The following USP15 variants were observed in gnomAD, a reference collection of about 807,000 sequenced individuals.
USP15 encodes the protein ubiquitin carboxyl-terminal hydrolase 15.
In USP15, 18 loss-of-function variants were observed where a neutral mutation model predicts 127.1. The observed-to-expected ratio is 0.14, with a 90% CI of 0.10 to 0.21. The LOEUF (loss-of-function observed/expected upper bound fraction) is 0.21. Among genes scored for constraint, USP15 ranks in the 10% least tolerant of loss-of-function variants. The pLI is 1.00. For missense variants in USP15, 805 were observed against 1,159.9 expected (o/e 0.69, Z 4.44); for synonymous variants, 364 against 393.7 (o/e 0.92, Z 0.89).
chr12:62,291,658 G>A (rs2063972750), intron 1 of USP15, among the ~76,000 whole-genome samples: 1 of 152,130 alleles, frequency 6.6e-6, no homozygotes, highest in South Asian at 2.1e-4. Flanking sequence ...ATTAATTTTT[G>A]TTTGAACGAG....
chr12:62,363,374 C>T (rs1267058789), intron 8 of USP15, among the ~76,000 whole-genome samples: 2 of 152,264 alleles, frequency 1.3e-5, no homozygotes, highest in Non-Finnish European at 2.9e-5. Context: ...CTATCACTTA[C>T]CTCCATGCTT....
chr12:62,401,079 G>A, intron 20 of USP15, 108 bp from the exon 21 acceptor site: 1 of 569,176 alleles, frequency 1.8e-6, no homozygotes, highest in African/African-American at 2.0e-5. Flanking sequence ...CCTCATAGAT[G>A]ATTATCAGTG....
intron 6 of USP15, among the ~76,000 whole-genome samples, chr12:62,344,071 A>G (rs1015853747): frequency 6.6e-6 from 1 of 152,050 alleles, no homozygotes; most frequent in African/African-American, 2.4e-5. Context: ...TCATCTCTTC[A>G]CATTTCAAAA....
At position 62,412,804 on chromosome 12, in the gene USP15, A is replaced by G. The variant is rs1011498029; in HGVS notation, c.*8429A>G. On this transcript the variant is annotated 3_prime_UTR_variant, in exon 22 of 22. Coordinates refer to ENST00000280377, the MANE Select transcript of USP15 (RefSeq NM_001252078.2). The stretch of plus-strand genomic sequence containing the variant: ...CGCCACTGAGGTTTTGAACTTCTCA[A>G]AGTCATGAAAGTTGTAATTAACTTC... 1 of 152,168 alleles carries G rather than the reference A, an allele frequency of 6.6e-6. No individual in the cohort carries two copies. The highest frequency in any genetic ancestry group is 2.4e-5 in the African/African-American group (1 of 41,442). The allele number at this position is 152,168 out of a possible 1,614,324, so 9.4% of individuals were successfully genotyped here.
At chr12:62,318,449 T>A (rs1294284930) in intron 4 of USP15, among the ~76,000 whole-genome samples, 1 of 152,214 alleles carries the variant, frequency 6.6e-6, no homozygotes, top group African/African-American at 2.4e-5. Context: ...AAGCACTTTC[T>A]CTTCACTTGG....
rs1440071186 is a variant in USP15 at position 62,405,973 on chromosome 12, T to G, written c.*1598T>G. On this transcript the variant is annotated 3_prime_UTR_variant, in exon 22 of 22. Transcript: ENST00000280377. The stretch of plus-strand genomic sequence containing the variant: ...GTATTTTAAAAGCTGCTTTGGGGTT[T>G]TTTTTTTCTTTTTTTTTTTTTTAAT... 2 of 150,390 alleles carry G rather than the reference T, an allele frequency of 1.3e-5. No individual in the cohort carries two copies. Among genetic ancestry groups the G allele is most frequent in the African/African-American group, 2.4e-5 (1 of 41,316 alleles). 9.3% of individuals were successfully genotyped at this position (150,390 alleles called of 1,614,324 possible). A position where few individuals can be genotyped will look rare whatever the true frequency, so the allele number is the denominator to read the frequency against.
intron 2 of USP15, among the ~76,000 whole-genome samples, chr12:62,301,975 T>A (rs934530485): frequency 3.3e-5 from 5 of 152,230 alleles, no homozygotes; most frequent in African/African-American, 1.2e-4. Context: ...GACTGTGATG[T>A]AGGTATGGTT....
chr12:62,385,206 A>G (rs550994697), intron 11 of USP15, among the ~76,000 whole-genome samples: 1 of 152,064 alleles, frequency 6.6e-6, no homozygotes, highest in African/African-American at 2.4e-5. Context: ...ATTCATCAAG[A>G]TACTTAACTA....
At chr12:62,395,707 A>AT (rs1209841543) in intron 19 of USP15, among the ~76,000 whole-genome samples, 3 of 149,446 alleles carry the variant, frequency 2.0e-5, no homozygotes, top group Admixed American at 6.7e-5. Context: ...TATGAGCTCA[A>AT]TTTTTTTTTA....
At chr12:62,402,700 A>G (rs2067733658) in intron 21 of USP15, among the ~76,000 whole-genome samples, 1 of 152,116 alleles carries the variant, frequency 6.6e-6, no homozygotes, top group South Asian at 2.1e-4. Context: ...TTTAGCGCTT[A>G]GATCAAGAAA....
At chr12:62,358,416 TAAC>T (rs1487433218) in intron 8 of USP15, among the ~76,000 whole-genome samples, 4 of 152,090 alleles carry the variant, frequency 2.6e-5, no homozygotes, top group Non-Finnish European at 5.9e-5. Flanking sequence ...CAGTAAAAAA[TAAC>T]AATACAACAG....
At chr12:62,270,857 A>G (rs1317423576) in intron 1 of USP15, among the ~76,000 whole-genome samples, 1 of 152,060 alleles carries the variant, frequency 6.6e-6, no homozygotes, top group Non-Finnish European at 1.5e-5. Context: ...ATTCTTAAAT[A>G]TGTGTATTTC....
intron 6 of USP15, among the ~76,000 whole-genome samples, chr12:62,342,529 T>A (rs1337149031): frequency 6.6e-6 from 1 of 152,202 alleles, no homozygotes; most frequent in Admixed American, 6.5e-5. Context: ...TGGTTTATCC[T>A]CATCTTCATG....
Position 62,355,315 on chromosome 12 carries a change from A to ATTTTTTT in USP15, c.771-14_771-8dup. The ATTTTTTT allele has an allele frequency of 6.4e-7, 1 of 1,572,788 alleles. No individual in the cohort carries two copies. Among genetic ancestry groups the ATTTTTTT allele is most frequent in the South Asian group, 1.2e-5 (1 of 84,654 alleles). On this transcript the variant is annotated splice_polypyrimidine_tract_variant and intron_variant, in intron 7 of 21. Transcript: ENST00000280377. ...TAATATAATTGGCTGCATTATGAAA[A>ATTTTTTT]TTTTTTTTCTTCCAGTGTGAAAAAC...
intron 8 of USP15, among the ~76,000 whole-genome samples, chr12:62,366,114 T>G (rs1162184113): frequency 6.6e-6 from 1 of 152,194 alleles, no homozygotes; most frequent in Non-Finnish European, 1.5e-5. Context: ...TTGATGGGGA[T>G]AGCATTGAAA....
At chr12:62,267,512 G>A (rs2063224884) in intron 1 of USP15, among the ~76,000 whole-genome samples, 1 of 152,120 alleles carries the variant, frequency 6.6e-6, no homozygotes, top group Middle Eastern at 3.4e-3. Flanking sequence ...GATTCTACAT[G>A]GTTTCCTTAT....
chr12:62,326,671 G>A (rs1391099834), intron 6 of USP15, among the ~76,000 whole-genome samples: 1 of 152,116 alleles, frequency 6.6e-6, no homozygotes, highest in Non-Finnish European at 1.5e-5. Context: ...AATGAACTGT[G>A]AAAAAATTTT....
At position 62,391,016 on chromosome 12, in the gene USP15, T is replaced by A. The variant is rs1361705508; in HGVS notation, c.1960+37T>A. 3.2e-6 allele frequency: 5 copies of A among 1,577,002 alleles called. No homozygotes were observed. In the African/African-American group the frequency reaches 6.8e-5, roughly 21 times the overall value. Reference sequence around the variant, plus strand: ...CTGTTAAATTGTACAAATGTTTCACTTAGATAATTGCCTCAGAGAAAAAGT... The same window carrying A: ...CTGTTAAATTGTACAAATGTTTCACATAGATAATTGCCTCAGAGAAAAAGT... On this transcript the variant is annotated intron_variant, in intron 15 of 21. Coordinates refer to ENST00000280377, the MANE Select transcript of USP15 (RefSeq NM_001252078.2).
chr12:62,346,903 C>T, intron 6 of USP15, among the ~76,000 whole-genome samples: 1 of 152,142 alleles, frequency 6.6e-6, no homozygotes, highest in South Asian at 2.1e-4. Flanking sequence ...TTTCTACATG[C>T]TATTCTTCCT....
Sources: allele counts gnomAD v4.1 joint callset (sites outside exome capture counted in the v4.1 genomes callset), GRCh38; gene constraint gnomAD v4.1.1; transcripts MANE v1.5; gene names NCBI Gene and HGNC (gene_info 2026-07-23, HGNC 2026-07-21).